AFF3: variants seen among roughly 807,000 people sequenced by gnomAD.
The protein encoded by AFF3 is AF4/FMR2 family member 3.
AFF3 carries 32 observed loss-of-function variants against 129.7 expected under a neutral mutation model. The ratio of observed to expected loss-of-function variants is 0.25; its 90% confidence interval spans 0.19 to 0.33. AFF3 has a LOEUF of 0.33. AFF3 is among the 10% of genes least tolerant of loss of function. The pLI is 1.00. For synonymous variants in AFF3, 644 were observed against 635.4 expected (o/e 1.01, Z -0.20); for missense variants, 1,373 against 1,592.0 (o/e 0.86, Z 2.34).
chr2:99,773,396 A>C (rs900975094), intron 8 of AFF3, among the ~76,000 whole-genome samples: 1 of 152,198 alleles, frequency 6.6e-6, no homozygotes, highest in Non-Finnish European at 1.5e-5. Context: ...ATATAAACTC[A>C]TATAATTTTT....
At chr2:99,861,036 C>T (rs542748215) in intron 7 of AFF3, among the ~76,000 whole-genome samples, 9 of 152,268 alleles carry the variant, frequency 5.9e-5, no homozygotes, top group Admixed American at 5.2e-4. Context: ...AACAGCTCCC[C>T]CTTTGAATTT....
chr2:99,870,464 G>A (rs544806986), intron 7 of AFF3, among the ~76,000 whole-genome samples: 13 of 152,310 alleles, frequency 8.5e-5, no homozygotes, highest in Non-Finnish European at 1.6e-4. Context: ...TGAGAAAAGC[G>A]GGGTTGTACC....
chr2:99,601,130 G>A (rs1457132115), intron 14 of AFF3, among the ~76,000 whole-genome samples: 1 of 152,204 alleles, frequency 6.6e-6, no homozygotes, highest in Non-Finnish European at 1.5e-5. Context: ...GGAGACCTGA[G>A]CCATAGGTTA....
intron 7 of AFF3, among the ~76,000 whole-genome samples, chr2:99,855,697 C>T (rs747123008): frequency 6.6e-6 from 1 of 152,160 alleles, no homozygotes; most frequent in Non-Finnish European, 1.5e-5. Context: ...ATTTACGTAG[C>T]TACTCTGCCC....
chr2:99,910,053 T>G (rs1695007419), intron 7 of AFF3, among the ~76,000 whole-genome samples: 1 of 152,326 alleles, frequency 6.6e-6, no homozygotes, highest in African/African-American at 2.4e-5. Flanking sequence ...TTCTTATGTA[T>G]AGCCGCAGTA....
rs1456263763 is a variant in AFF3, at chr2:99,658,506, G to A, written c.1144-8840C>T. Among the ~76,000 whole-genome samples, 7 of 152,112 alleles carry A rather than the reference G, an allele frequency of 4.6e-5. No homozygotes were observed. The East Asian group carries it at 1.2e-3, about 25-fold the overall frequency. On this transcript the variant is annotated intron_variant, in intron 12 of 24. Transcript: ENST00000672756. The stretch of plus-strand genomic sequence containing the variant: ...ATTACAGGTGCCTGTTACCACGCCT[G>A]GCTAATTTTTGTAGTTGTTTTTTAG...
At chr2:99,749,601 C>T (rs750159834) in intron 9 of AFF3, among the ~76,000 whole-genome samples, 6 of 152,120 alleles carry the variant, frequency 3.9e-5, no homozygotes, top group Non-Finnish European at 8.8e-5. Context: ...GGCAGGGTGC[C>T]ACTGGAAGTA....
At chr2:99,826,303 C>A (rs967100925) in intron 8 of AFF3, among the ~76,000 whole-genome samples, 1 of 152,152 alleles carries the variant, frequency 6.6e-6, no homozygotes, top group African/African-American at 2.4e-5. Flanking sequence ...CGTGAGCCAC[C>A]CCATCTGGCC....
intron 7 of AFF3, among the ~76,000 whole-genome samples, chr2:99,892,092 G>A (rs991740883): frequency 1.4e-4 from 22 of 152,088 alleles, no homozygotes; most frequent in Non-Finnish European, 2.6e-4. Context: ...AAAGTGCTGG[G>A]ATTACAGGCA....
At chr2:99,575,055 T>C (rs1324278610) in intron 18 of AFF3, among the ~76,000 whole-genome samples, 1 of 152,186 alleles carries the variant, frequency 6.6e-6, no homozygotes, top group Non-Finnish European at 1.5e-5. Flanking sequence ...GAGGTCATCA[T>C]GTGCCTCTCT....
At chr2:99,934,199 G>A (rs1452976034) in intron 7 of AFF3, among the ~76,000 whole-genome samples, 2 of 152,136 alleles carry the variant, frequency 1.3e-5, no homozygotes, top group Non-Finnish European at 1.5e-5. Context: ...GTGCCTGGTG[G>A]GAGTAGGATC....
intron 12 of AFF3, among the ~76,000 whole-genome samples, chr2:99,670,592 T>C (rs1349658103): frequency 3.9e-5 from 6 of 152,066 alleles, no homozygotes; most frequent in Non-Finnish European, 8.8e-5. Context: ...GGATAAAGCA[T>C]AGTTTGGTCT....
At chr2:100,098,674 C>T (rs1258988009) in intron 4 of AFF3, among the ~76,000 whole-genome samples, 3 of 127,078 alleles carry the variant, frequency 2.4e-5, no homozygotes, top group Non-Finnish European at 3.3e-5. Flanking sequence ...TCATCTTCAT[C>T]GTCATCCAGA....
At chr2:99,986,599 T>C (rs1238247411) in intron 7 of AFF3, among the ~76,000 whole-genome samples, 2 of 152,224 alleles carry the variant, frequency 1.3e-5, no homozygotes, top group African/African-American at 2.4e-5. Flanking sequence ...GTTTTAAACC[T>C]GTAATTTTCA....
intron 7 of AFF3, among the ~76,000 whole-genome samples, chr2:99,967,594 T>C (rs1677908597): frequency 6.6e-6 from 1 of 152,156 alleles, no homozygotes; most frequent in Non-Finnish European, 1.5e-5. Context: ...GGTGAGGGCA[T>C]TTACGCCATG....
At chr2:100,082,605 T>C (rs920957850) in intron 4 of AFF3, among the ~76,000 whole-genome samples, 3 of 152,200 alleles carry the variant, frequency 2.0e-5, no homozygotes, top group Admixed American at 2.0e-4. Context: ...TTAAAGCTGT[T>C]GTGTGATAAA....
chr2:100,043,414 G>A (rs1172181729), intron 4 of AFF3, among the ~76,000 whole-genome samples: 1 of 152,158 alleles, frequency 6.6e-6, no homozygotes, highest in African/African-American at 2.4e-5. Context: ...GAAGGCATGA[G>A]CAAAATACAT....
chr2:99,734,676 T>C (rs1680105275), intron 10 of AFF3, among the ~76,000 whole-genome samples: 1 of 152,030 alleles, frequency 6.6e-6, no homozygotes, highest in South Asian at 2.1e-4. Context: ...GTTAATATTA[T>C]AAAAAGGATC....
chr2:99,667,942 G>A lies in AFF3; in HGVS notation c.1143+4596C>T, dbSNP rs373038257. On this transcript the variant is annotated intron_variant, in intron 12 of 24. Transcript: ENST00000672756. ...GAGGCCGAGGCGGGTAGATCATGAG[G>A]TCAGGAGATCGAGACCATCCTGGCT... Among the ~76,000 whole-genome samples, 31 of 152,040 alleles carry A rather than the reference G, an allele frequency of 2.0e-4. No individual in the cohort carries two copies. In the South Asian group the frequency reaches 6.4e-3, roughly 32 times the overall value.
Sources: allele counts gnomAD v4.1 joint callset (sites outside exome capture counted in the v4.1 genomes callset), GRCh38; gene constraint gnomAD v4.1.1; transcripts MANE v1.5; gene names NCBI Gene and HGNC (gene_info 2026-07-23, HGNC 2026-07-21).